Variants in TXLNB observed in about 807,000 individuals in gnomAD.
TXLNB encodes taxilin beta.
In TXLNB, 37 loss-of-function variants were observed where a neutral mutation model predicts 57.4. The observed-to-expected ratio is 0.64, with a 90% CI of 0.50 to 0.85. TXLNB has a LOEUF of 0.85. TXLNB is among the 40% of genes least tolerant of loss of function. The pLI, the probability that TXLNB is intolerant of heterozygous loss-of-function variation, is 0.00. For synonymous variants in TXLNB, 302 were observed against 309.6 expected (o/e 0.98, Z 0.26); for missense variants, 848 against 825.6 (o/e 1.03, Z -0.33).
At chr6:139,255,975 G>A (rs1030095152) in intron 6 of TXLNB, among the ~76,000 whole-genome samples, 16 of 151,640 alleles carry the variant, frequency 1.1e-4, no homozygotes, top group Non-Finnish European at 2.4e-4. Context: ...CCAGCAACTC[G>A]AGAGGCTGAG....
At chr6:139,247,425 C>A (rs1465650766) in intron 8 of TXLNB, among the ~76,000 whole-genome samples, 1 of 151,734 alleles carries the variant, frequency 6.6e-6, no homozygotes, top group East Asian at 1.9e-4. Context: ...CAGGCATGAA[C>A]CACCACGTCT....
chr6:139,272,307 A>G (rs1583017176), intron 3 of TXLNB, among the ~76,000 whole-genome samples: 1 of 152,254 alleles, frequency 6.6e-6, no homozygotes, highest in East Asian at 1.9e-4. Flanking sequence ...ACTCCATCTC[A>G]AAAAATAATA....
chr6:139,172,900 C>T, the TXLNB span, among the ~76,000 whole-genome samples: 13 of 152,202 alleles, frequency 8.5e-5, no homozygotes, highest in East Asian at 2.5e-3. Context: ...AGTGCCATAC[C>T]CTCGGTTAAC....
intron 6 of TXLNB, among the ~76,000 whole-genome samples, chr6:139,256,520 G>T (rs372828827): frequency 6.6e-6 from 1 of 152,192 alleles, no homozygotes; most frequent in East Asian, 1.9e-4. Flanking sequence ...ACTAGAGACG[G>T]GGTTTTGCCA....
At chr6:139,193,494 G>T in the TXLNB span, among the ~76,000 whole-genome samples, 1 of 151,898 alleles carries the variant, frequency 6.6e-6, no homozygotes, top group African/African-American at 2.4e-5. Context: ...TTTTCTCCCT[G>T]TTTCATAAGT....
At chr6:139,254,334 T>TGTGTGTGTGA (rs1212048106) in intron 7 of TXLNB, among the ~76,000 whole-genome samples, 3 of 152,122 alleles carry the variant, frequency 2.0e-5, no homozygotes, top group Non-Finnish European at 4.4e-5. Flanking sequence ...TGTGTGTGTG[T>TGTGTGTGTGA]GTGTGTTTAC....
chr6:139,312,395 C>T, the TXLNB span, among the ~76,000 whole-genome samples: 3 of 152,190 alleles, frequency 2.0e-5, no homozygotes, highest in African/African-American at 7.2e-5. Flanking sequence ...ATAACATGAC[C>T]CTTACTCTGT....
chr6:139,251,058 A>C (rs1156450078), intron 7 of TXLNB, among the ~76,000 whole-genome samples: 1 of 152,234 alleles, frequency 6.6e-6, no homozygotes, highest in Non-Finnish European at 1.5e-5. Context: ...TTGCTGGCTC[A>C]TGAGCATGGA....
At chr6:139,211,077 C>A in the TXLNB span, among the ~76,000 whole-genome samples, 1 of 152,254 alleles carries the variant, frequency 6.6e-6, no homozygotes, top group Non-Finnish European at 1.5e-5. Context: ...AAACAAGAGA[C>A]AGCAATAACC....
At chr6:139,239,900 T>C (rs1775888156), downstream of TXLNB, among the ~76,000 whole-genome samples, 1 of 151,906 alleles carries the variant, frequency 6.6e-6, no homozygotes, top group Non-Finnish European at 1.5e-5. This position sits in a 1 kb window ranked among gnomAD's most constrained non-coding sequence, Gnocchi z 4.7. Context: ...GCCCCCAATA[T>C]CTTCAAAGTG....
the TXLNB span, among the ~76,000 whole-genome samples, chr6:139,315,189 A>G: frequency 3.3e-5 from 5 of 152,116 alleles, no homozygotes; most frequent in African/African-American, 9.7e-5. Context: ...TTGACCCCCT[A>G]TGATTCCATC....
the TXLNB span, among the ~76,000 whole-genome samples, chr6:139,184,895 T>A: frequency 6.6e-6 from 1 of 152,228 alleles, no homozygotes. Flanking sequence ...TCTTAAGGAA[T>A]GACAATTTTT....
In TXLNB at chr6:139,276,999, A is replaced by G; in HGVS notation, c.425-78T>C. 8 of 1,068,406 alleles carry G rather than the reference A, an allele frequency of 7.5e-6. No homozygotes were observed. In the South Asian group the frequency reaches 9.3e-5, roughly 12 times the overall value. 66.2% of individuals were successfully genotyped at this position (1,068,406 alleles called of 1,614,324 possible). ...TAAGGGCTGGAGTCTCAGATTGACC[A>G]CTTGCTAATTATTCCCAACCTTGGC... On this transcript the variant is annotated intron_variant, in intron 2 of 9. Coordinates refer to ENST00000358430, the MANE Select transcript of TXLNB (RefSeq NM_153235.4).
the TXLNB span, among the ~76,000 whole-genome samples, chr6:139,323,464 A>C: frequency 3.4e-5 from 5 of 146,736 alleles, no homozygotes; most frequent in East Asian, 7.8e-4. Context: ...TTGTATTTTT[A>C]GTAGAGACGG....
At chr6:139,195,681 G>A in the TXLNB span, among the ~76,000 whole-genome samples, 1 of 152,110 alleles carries the variant, frequency 6.6e-6, no homozygotes, top group Non-Finnish European at 1.5e-5. Context: ...ACAACCTAAT[G>A]TAAACAAAGT....
At chr6:139,187,509 C>A in the TXLNB span, among the ~76,000 whole-genome samples, 1 of 142,892 alleles carries the variant, frequency 7.0e-6, no homozygotes, top group South Asian at 2.2e-4. Flanking sequence ...ACTGAGTTAT[C>A]AAAACAGTAT....
the TXLNB span, among the ~76,000 whole-genome samples, chr6:139,215,442 G>A: frequency 6.6e-6 from 1 of 152,080 alleles, no homozygotes; most frequent in Admixed American, 6.6e-5. Flanking sequence ...GCTGAAACTG[G>A]ATCCCTTCCT....
chr6:139,208,377 T>A, the TXLNB span, among the ~76,000 whole-genome samples: 3 of 152,060 alleles, frequency 2.0e-5, no homozygotes, highest in Non-Finnish European at 4.4e-5. Context: ...TAAAAAAGAA[T>A]TCGTGACAAT....
In TXLNB at chr6:139,240,606, A is replaced by G. The variant is rs191796929; in HGVS notation, c.*1920T>C. The G allele has an allele frequency of 1.3e-5, 2 of 152,780 alleles. No individual in the cohort carries two copies. The highest frequency in any genetic ancestry group is 3.9e-4 in the East Asian group (2 of 5,184). 9.5% of individuals were successfully genotyped at this position (152,780 alleles called of 1,614,324 possible). On this transcript the variant is annotated 3_prime_UTR_variant, in exon 10 of 10. Coordinates refer to ENST00000358430, the MANE Select transcript of TXLNB (RefSeq NM_153235.4). ...GAATATTTAGCTCTGAATCAAATGAATGTTTAAATCTCTAAGACTTGCAGT... is the reference window on the plus strand; with the variant it reads ...GAATATTTAGCTCTGAATCAAATGAGTGTTTAAATCTCTAAGACTTGCAGT...
Sources: gnomAD v4.1 joint callset for allele counts (sites outside exome capture counted in the v4.1 genomes callset) on GRCh38, gnomAD v4.1.1 for gene constraint, Gnocchi (gnomAD v3.1) non-coding constraint, MANE v1.5 for transcripts, NCBI Gene and HGNC (gene_info 2026-07-23, HGNC 2026-07-21) for gene names.